PER3: variants seen among roughly 807,000 people sequenced by gnomAD.
The protein encoded by PER3 is period circadian protein homolog 3.
Under a neutral mutation model 127.2 loss-of-function variants are expected in PER3, and 107 were observed. That is an observed-to-expected ratio of 0.84 (90% confidence interval 0.72 to 0.99). PER3 has a LOEUF of 0.99. PER3 is among the 50% of genes least tolerant of loss of function. The probability of loss-of-function intolerance (pLI) is 0.00; values close to 1 mark genes in which losing one functional copy is unlikely to be tolerated. For synonymous variants in PER3, 618 were observed against 585.8 expected (o/e 1.05, Z -0.79); for missense variants, 1,560 against 1,525.8 (o/e 1.02, Z -0.37).
intron 19 of PER3, among the ~76,000 whole-genome samples, chr1:7,830,729 T>G (rs1451786070): frequency 6.6e-6 from 1 of 152,136 alleles, no homozygotes; most frequent in African/African-American, 2.4e-5. Flanking sequence ...TTCAAAGGAT[T>G]AATCTTTCCC....
chr1:7,842,832 A>C lies in PER3; in HGVS notation c.*77A>C. 2 of 1,225,478 alleles carry C rather than the reference A, an allele frequency of 1.6e-6. No homozygotes were observed. Among genetic ancestry groups the C allele is most frequent in the Admixed American group, 4.2e-5 (2 of 47,724 alleles). The allele number at this position is 1,225,478 out of a possible 1,614,324, so 75.9% of individuals were successfully genotyped here. On this transcript the variant is annotated 3_prime_UTR_variant, in exon 22 of 22. Coordinates refer to ENST00000377532, the MANE Select transcript of PER3 (RefSeq NM_001377275.1). The stretch of plus-strand genomic sequence containing the variant: ...AGACCTTTTTAAGTCCTGGACTTTT[A>C]AATGACCATGAAGTTATCATTGAAT...
rs1234345265 is a variant in PER3, at chr1:7,827,771, T to C, written c.2842T>C (p.Ser948Pro). 2.5e-6 allele frequency: 4 copies of C among 1,613,800 alleles called. No individual in the cohort carries two copies. Among genetic ancestry groups the C allele is most frequent in the Admixed American group, 1.7e-5 (1 of 60,006 alleles). The change falls in exon 18 of 22, where the codon TCT (serine) becomes CCT (proline). Residue 948 changes from serine (S) to proline (P), a missense_variant. Physicochemically the swap from Ser to Pro is moderately conservative, Grantham distance 74. Coordinates refer to ENST00000377532, the MANE Select transcript of PER3 (RefSeq NM_001377275.1). The part of the protein sequence containing the change: ...LQEEMPRPSE[S>P]PDQMRRNTCP... ...GGAAGAGATGCCCAGACCCTCTGAA[T>C]CTCCAGATCAGATGAGAAGGAACAC...
intron 6 of PER3, among the ~76,000 whole-genome samples, chr1:7,797,295 A>G (rs938959193): frequency 1.9e-4 from 29 of 152,216 alleles, no homozygotes; most frequent in African/African-American, 6.7e-4. Context: ...TCATCAGTTG[A>G]GGGTGCAGAG....
intron 11 of PER3, among the ~76,000 whole-genome samples, chr1:7,809,608 TA>T (rs1292077808): frequency 1.3e-5 from 2 of 152,216 alleles, no homozygotes; most frequent in Admixed American, 6.5e-5. Flanking sequence ...AACTAGAGTT[TA>T]TTTTCCTGTT....
At chr1:7,798,749 GA>G in intron 7 of PER3, 76 bp downstream of exon 7, 1 of 1,269,282 alleles carries the variant, frequency 7.9e-7, no homozygotes, top group South Asian at 1.3e-5. Flanking sequence ...GTCAGTCATA[GA>G]ACAACAAAAA....
At chr1:7,838,959 A>G (rs2097370901) in intron 21 of PER3, among the ~76,000 whole-genome samples, 1 of 150,870 alleles carries the variant, frequency 6.6e-6, no homozygotes, top group African/African-American at 2.4e-5. Context: ...CTGGTAAAGA[A>G]GGACTTACTT....
At chr1:7,838,715 A>G (rs189539689) in intron 21 of PER3, among the ~76,000 whole-genome samples, 562 of 152,272 alleles carry the variant, frequency 3.7e-3, no homozygotes, top group South Asian at 0.014. Context: ...TGCACACCTC[A>G]TATGAGTGGA....
chr1:7,787,208 T>C, intron 4 of PER3: 1 of 829,116 alleles, frequency 1.2e-6, no homozygotes, highest in Non-Finnish European at 1.5e-6. Flanking sequence ...TTCCAATACC[T>C]ACTACTTCAA....
At chr1:7,788,348 C>G in intron 5 of PER3, 102 bp downstream of exon 5, 2 of 815,766 alleles carry the variant, frequency 2.5e-6, no homozygotes, top group East Asian at 2.6e-5. Context: ...AACATGCACA[C>G]TATCTGGTTT....
Position 7,784,894 on chromosome 1 carries a change from C to T in PER3, c.17C>T (p.Ala6Val), listed in dbSNP as rs763343822. 3 of 1,518,762 alleles carry T rather than the reference C, an allele frequency of 2.0e-6. No homozygotes were observed. Among genetic ancestry groups the T allele is most frequent in the Non-Finnish European group, 2.6e-6 (3 of 1,145,902 alleles). The allele number at this position is 1,518,762 out of a possible 1,614,324, so 94.1% of individuals were successfully genotyped here. MPRGE[A>V]PGPGRRGAKD... ...GACCTCGAGATGCCCCGCGGGGAAG[C>T]TCCTGGCCCCGGGAGACGGGGGGCT... is the stretch of plus-strand genomic sequence containing the variant. The change falls in exon 2 of 22, where the codon GCT becomes GTT. Residue 6 changes from alanine (A) to valine (V), a missense_variant. By Grantham distance (64) the Ala-to-Val change is moderately conservative. Transcript: ENST00000377532.
At position 7,802,764 on chromosome 1, in the gene PER3, A is replaced by G. The variant is rs139981893; in HGVS notation, c.873-283A>G. On this transcript the variant is annotated intron_variant, in intron 8 of 21. Coordinates refer to ENST00000377532, the MANE Select transcript of PER3 (RefSeq NM_001377275.1). ...AAGACAGATGCCTGGTCTTATTTCC[A>G]GAGCTTCTGATTTAGTAAGCATACA... Among the ~76,000 whole-genome samples the G allele has an allele frequency of 4.6e-5, 7 of 152,324 alleles. No homozygotes were observed. The East Asian group carries it at 1.3e-3, about 29-fold the overall frequency.
chr1:7,789,431 GCT>G (rs1265152930), intron 5 of PER3, among the ~76,000 whole-genome samples: 3 of 152,226 alleles, frequency 2.0e-5, no homozygotes, highest in South Asian at 2.1e-4. Context: ...CTCTGCACAA[GCT>G]CTCTCTCTTT....
At position 7,803,438 on chromosome 1, in the gene PER3, A is replaced by G. The variant is rs1057023405; in HGVS notation, c.980-254A>G. 1.8e-4 allele frequency among the ~76,000 whole-genome samples: 27 copies of G among 151,098 alleles called. 1 individual carries two copies. The highest frequency in any genetic ancestry group is 6.6e-4 in the African/African-American group (27 of 40,918). On this transcript the variant is annotated intron_variant, in intron 9 of 21. Coordinates refer to ENST00000377532, the MANE Select transcript of PER3 (RefSeq NM_001377275.1). ...ACCCATCTATACTAAAAGTACAAAA[A>G]TTAGCCAGGCATGGTGGTGCACGCC...
chr1:7,827,747 G>A lies in PER3; in HGVS notation c.2818G>A (p.Glu940Lys). The stretch of plus-strand genomic sequence containing the variant: ...ACCCTTGCAGTTAAACTTACTTCAG[G>A]AAGAGATGCCCAGACCCTCTGAATC... The part of the protein sequence containing the change: ...SSPLQLNLLQ[E>K]EMPRPSESPD... The change falls in exon 18 of 22, where the codon GAA (glutamate) becomes AAA (lysine). Residue 940 changes from glutamate (E) to lysine (K), a missense_variant. Coordinates refer to ENST00000377532, the MANE Select transcript of PER3 (RefSeq NM_001377275.1). 2 of 1,614,064 alleles carry A rather than the reference G, an allele frequency of 1.2e-6. No homozygotes were observed. The highest frequency in any genetic ancestry group is 1.7e-6 in the Non-Finnish European group (2 of 1,180,032).
chr1:7,801,764 G>C (rs1028999724), intron 8 of PER3, among the ~76,000 whole-genome samples: 1 of 152,058 alleles, frequency 6.6e-6, no homozygotes. Flanking sequence ...GCTTAATGCT[G>C]TTTTTTAGTA....
rs756795263 is a variant in PER3 at position 7,803,055 on chromosome 1, C to T, written c.881C>T (p.Pro294Leu). ...VFLEVDEKAV[P>L]LLGYLPQDLI... ...GTGTATCTGTATCCCAGAGCAGTGC[C>T]TTTGCTGGGTTACCTACCTCAGGAC... Residue 294 changes from proline (P) to leucine (L), a missense_variant, in exon 9 of 22, where the codon CCT becomes CTT. Physicochemically the swap from Pro to Leu is moderately conservative, Grantham distance 98. Coordinates refer to ENST00000377532, the MANE Select transcript of PER3 (RefSeq NM_001377275.1). The T allele has an allele frequency of 4.4e-6, 7 of 1,599,462 alleles. No homozygotes were observed. The highest frequency in any genetic ancestry group is 4.5e-5 in the East Asian group (2 of 44,806).
intron 13 of PER3, among the ~76,000 whole-genome samples, chr1:7,817,127 A>G (rs1435611640): frequency 6.6e-6 from 1 of 152,242 alleles, no homozygotes; most frequent in Non-Finnish European, 1.5e-5. Context: ...GCTCTGGAAA[A>G]CAGATCAGTA....
chr1:7,826,436 T>C lies in PER3; in HGVS notation c.1958-44T>C. The C allele has an allele frequency of 9.5e-7, 1 of 1,057,472 alleles. No homozygotes were observed. The highest frequency in any genetic ancestry group is 1.5e-6 in the Non-Finnish European group (1 of 687,766). 65.5% of individuals were successfully genotyped at this position (1,057,472 alleles called of 1,614,324 possible). On this transcript the variant is annotated intron_variant, in intron 16 of 21. Coordinates refer to ENST00000377532, the MANE Select transcript of PER3 (RefSeq NM_001377275.1). The surrounding 1 kb of genome is among the most constrained non-coding windows in gnomAD (Gnocchi z 4.2). ...GTTAACAAAGTAAAATAAATACAAA[T>C]AATTGATAGGAATTAAAATTAAATA... is the stretch of plus-strand genomic sequence containing the variant.
intron 13 of PER3, among the ~76,000 whole-genome samples, chr1:7,812,924 G>A (rs952845321): frequency 6.6e-6 from 1 of 152,150 alleles, no homozygotes; most frequent in Non-Finnish European, 1.5e-5. Context: ...ACTTAAAAAT[G>A]TTATAATTTA....
Sources: gnomAD v4.1 joint callset for allele counts (sites outside exome capture counted in the v4.1 genomes callset) on GRCh38, gnomAD v4.1.1 for gene constraint, Gnocchi (gnomAD v3.1) non-coding constraint, MANE v1.5 for transcripts, NCBI Gene and HGNC (gene_info 2026-07-23, HGNC 2026-07-21) for gene names.